SEC11A: variants seen among roughly 807,000 people sequenced by gnomAD.
SEC11A encodes the protein signal peptidase complex catalytic subunit SEC11A.
Under a neutral mutation model 25.6 loss-of-function variants are expected in SEC11A, and 14 were observed. That is an observed-to-expected ratio of 0.55 (90% CI 0.36 to 0.85). The LOEUF is 0.85. SEC11A is among the 40% of genes least tolerant of loss of function. The pLI, the probability that SEC11A is intolerant of heterozygous loss-of-function variation, is 0.01. For synonymous variants in SEC11A, 83 were observed against 76.4 expected (o/e 1.09, Z -0.45); for missense variants, 153 against 222.9 (o/e 0.69, Z 2.00).
chr15:84,682,591 A>C (rs539280494), intron 3 of SEC11A, among the ~76,000 whole-genome samples: 3 of 151,992 alleles, frequency 2.0e-5, no homozygotes, highest in East Asian at 3.9e-4. Context: ...TAGGATTACA[A>C]GCGCCCGCCA....
At chr15:84,701,864 C>A (rs376522428) in intron 1 of SEC11A, among the ~76,000 whole-genome samples, 1 of 150,282 alleles carries the variant, frequency 6.7e-6, no homozygotes, top group Non-Finnish European at 1.5e-5. Context: ...GTCAAGAGAT[C>A]GAGACCATCC....
chr15:84,700,926 G>A (rs1222680861), intron 1 of SEC11A, among the ~76,000 whole-genome samples: 11 of 138,028 alleles, frequency 8.0e-5, no homozygotes, highest in Non-Finnish European at 1.5e-4. Context: ...GTTGCAGTAA[G>A]CCGACATCAC....
intron 4 of SEC11A, among the ~76,000 whole-genome samples, chr15:84,679,703 T>TA (rs1219189125): frequency 6.6e-6 from 1 of 152,222 alleles, no homozygotes; most frequent in African/African-American, 2.4e-5. Flanking sequence ...GCCAGCCACT[T>TA]ACGACCATCA....
chr15:84,709,101 C>T (rs1446324494), intron 1 of SEC11A, among the ~76,000 whole-genome samples: 2 of 151,998 alleles, frequency 1.3e-5, no homozygotes, highest in African/African-American at 2.4e-5. Context: ...AAAATCTCAG[C>T]AAGCAGAGAA....
intron 1 of SEC11A, among the ~76,000 whole-genome samples, chr15:84,702,157 G>A (rs1401299400): frequency 6.7e-6 from 1 of 150,034 alleles, no homozygotes; most frequent in African/African-American, 2.4e-5. Flanking sequence ...TAATAACCCG[G>A]CTAATTTTTT....
chr15:84,692,834 A>G (rs1373549226), intron 1 of SEC11A, among the ~76,000 whole-genome samples: 2 of 152,210 alleles, frequency 1.3e-5, no homozygotes, highest in Non-Finnish European at 2.9e-5. Flanking sequence ...CTAACAAAAT[A>G]TTAGTAATAT....
chr15:84,685,226 T>C (rs1897384097), intron 3 of SEC11A, among the ~76,000 whole-genome samples: 2 of 152,270 alleles, frequency 1.3e-5, no homozygotes, highest in South Asian at 4.1e-4. Flanking sequence ...AGTTTTAAAC[T>C]TAAGTCTATG....
intron 4 of SEC11A, chr15:84,679,182 G>A (rs754000499): frequency 1.3e-6 from 1 of 759,580 alleles, no homozygotes; most frequent in South Asian, 1.7e-5. Context: ...TATAATTTGA[G>A]GAAAAACAAA....
chr15:84,670,544 A>ATTT, intron 5 of SEC11A, 181 bp downstream of exon 5: 6 of 325,382 alleles, frequency 1.8e-5, no homozygotes, highest in Admixed American at 5.3e-5. Flanking sequence ...CAGGCTAATA[A>ATTT]TTTTTTTTTT....
At chr15:84,671,950 T>A (rs1389096182) in intron 4 of SEC11A, 5 of 152,212 alleles carry the variant, frequency 3.3e-5, no homozygotes, top group African/African-American at 1.2e-4. Flanking sequence ...GGTTAGCAAA[T>A]GTAAAACTTT....
chr15:84,686,297 G>A lies in SEC11A; in HGVS notation c.311+1328C>T, dbSNP rs115283905. 4.7e-3 allele frequency among the ~76,000 whole-genome samples: 709 copies of A among 152,242 alleles called. 4 individuals are homozygous for A. Among genetic ancestry groups the A allele is most frequent in the African/African-American group, 0.016 (683 of 41,564 alleles). ...ATAGGAATTTCAAAAAGCAATGGTT[G>A]ACAGTTTCCTCTTCTTTCAAGAACT... On this transcript the variant is annotated intron_variant, in intron 3 of 5. Transcript: ENST00000268220.
At chr15:84,713,183 G>C (rs1596087141) in intron 1 of SEC11A, among the ~76,000 whole-genome samples, 3 of 139,642 alleles carry the variant, frequency 2.1e-5, no homozygotes, top group African/African-American at 8.1e-5. Flanking sequence ...AACAGAGTGA[G>C]ACTCCGTCTC....
chr15:84,678,609 G>A (rs1287741236), intron 4 of SEC11A, among the ~76,000 whole-genome samples: 4 of 152,110 alleles, frequency 2.6e-5, no homozygotes, highest in South Asian at 2.1e-4. Flanking sequence ...TTGTAAATAC[G>A]CTAGTAATTT....
At chr15:84,687,917 T>C in intron 2 of SEC11A, 143 bp from the exon 3 acceptor site, 1 of 719,930 alleles carries the variant, frequency 1.4e-6, no homozygotes, top group Non-Finnish European at 2.1e-6. Flanking sequence ...AAATGTGTAT[T>C]GTTCTCAAAA....
chr15:84,705,988 T>C (rs990521991), intron 1 of SEC11A, among the ~76,000 whole-genome samples: 4 of 151,856 alleles, frequency 2.6e-5, no homozygotes, highest in Non-Finnish European at 5.9e-5. Flanking sequence ...CTCAGCTCAC[T>C]GCAACCTCTG....
At chr15:84,711,245 G>A (rs1056388793) in intron 1 of SEC11A, among the ~76,000 whole-genome samples, 1 of 151,742 alleles carries the variant, frequency 6.6e-6, no homozygotes, top group Admixed American at 6.6e-5. Flanking sequence ...AGCCAGGTGT[G>A]GTGTCACTGG....
At chr15:84,695,873 G>A (rs945417799) in intron 1 of SEC11A, among the ~76,000 whole-genome samples, 1 of 152,138 alleles carries the variant, frequency 6.6e-6, no homozygotes, top group African/African-American at 2.4e-5. Context: ...CAAGGTGGAA[G>A]AAAAATATTT....
chr15:84,679,301 TA>T, intron 4 of SEC11A: 1 of 1,211,600 alleles, frequency 8.3e-7, no homozygotes, highest in Non-Finnish European at 1.1e-6. Flanking sequence ...ATTTGGATTA[TA>T]AAAGTATTTT....
At chr15:84,715,711 C>A (rs542896782) in intron 1 of SEC11A, among the ~76,000 whole-genome samples, 2 of 152,186 alleles carry the variant, frequency 1.3e-5, no homozygotes, top group Non-Finnish European at 2.9e-5. Context: ...CTTAAAATGA[C>A]TAAAACAATA....
Sources: gnomAD v4.1 joint callset for allele counts (sites outside exome capture counted in the v4.1 genomes callset) on GRCh38, gnomAD v4.1.1 for gene constraint, MANE v1.5 for transcripts, NCBI Gene and HGNC (gene_info 2026-07-23, HGNC 2026-07-21) for gene names.